The following ZNF536 variants were observed in gnomAD, a reference collection of about 807,000 sequenced individuals.
ZNF536 encodes the protein zinc finger protein 536.
ZNF536 carries 13 observed loss-of-function variants against 84.5 expected under a neutral mutation model. The ratio of observed to expected loss-of-function variants is 0.15; its 90% CI spans 0.10 to 0.24. The LOEUF (loss-of-function observed/expected upper bound fraction) is 0.24. Ranked by LOEUF, ZNF536 falls within the 10% of genes least tolerant of loss-of-function variation. ZNF536 has a pLI of 1.00. For synonymous variants in ZNF536, 811 were observed against 742.5 expected, an observed-to-expected ratio of 1.09 and a Z score of -1.50; for missense variants, 1,536 against 1,747.5, an observed-to-expected ratio of 0.88 and a Z score of 2.16.
At chr19:30,312,846 G>A (rs536992876) in intron 2 of ZNF536, among the ~76,000 whole-genome samples, 3 of 152,354 alleles carry the variant, frequency 2.0e-5, no homozygotes, top group South Asian at 2.1e-4. Context: ...TCCCACGAAC[G>A]CCTCTGTGAC....
chr19:30,584,365 T>G (rs1471985808), intron 1 of ZNF536, among the ~76,000 whole-genome samples: 2 of 152,158 alleles, frequency 1.3e-5, no homozygotes, highest in Admixed American at 1.3e-4. Context: ...GGATCAGTGG[T>G]AAGAAAGCTG....
chr19:30,563,703 C>T (rs1334629221), intron 1 of ZNF536, among the ~76,000 whole-genome samples: 3 of 152,272 alleles, frequency 2.0e-5, no homozygotes, highest in Non-Finnish European at 4.4e-5. Context: ...GGTTTTGCAA[C>T]AGGAGCTGTT....
chr19:30,616,105 T>G (rs4511648), intron 1 of ZNF536, among the ~76,000 whole-genome samples: 1 of 152,148 alleles, frequency 6.6e-6, no homozygotes, highest in African/African-American at 2.4e-5. Context: ...TATTCTGGTA[T>G]GGAGTCATAT....
At chr19:30,569,319 A>AG (rs1403465257) in intron 1 of ZNF536, among the ~76,000 whole-genome samples, 3 of 152,016 alleles carry the variant, frequency 2.0e-5, no homozygotes, top group African/African-American at 7.2e-5. Flanking sequence ...GCTACCCTGG[A>AG]GATGCATCCA....
intron 1 of ZNF536, among the ~76,000 whole-genome samples, chr19:30,614,942 ATTTTTTTTT>A (rs555419932): frequency 6.2e-5 from 2 of 32,316 alleles, no homozygotes; most frequent in Non-Finnish European, 5.8e-5. Context: ...CCCCTTTTCA[ATTTTTTTTT>A]TTTTTTTTTT....
chr19:30,250,917 A>G (rs1443976882), intron 1 of ZNF536, among the ~76,000 whole-genome samples: 11 of 151,932 alleles, frequency 7.2e-5, no homozygotes, highest in Admixed American at 7.2e-4. Flanking sequence ...CTTTTTTTAA[A>G]AAGTGGTATT....
chr19:30,253,991 A>G (rs1049125589), intron 1 of ZNF536, among the ~76,000 whole-genome samples: 1 of 152,174 alleles, frequency 6.6e-6, no homozygotes, highest in Non-Finnish European at 1.5e-5. Flanking sequence ...AATTAAAATC[A>G]GTTTTCTAAA....
chr19:30,252,446 G>T (rs988198219), intron 1 of ZNF536, among the ~76,000 whole-genome samples: 1 of 152,146 alleles, frequency 6.6e-6, no homozygotes, highest in Non-Finnish European at 1.5e-5. Flanking sequence ...GAAGGCCAGG[G>T]TGCATACCCT....
intron 1 of ZNF536, among the ~76,000 whole-genome samples, chr19:30,232,826 G>A (rs1226725531): frequency 6.6e-6 from 1 of 152,144 alleles, no homozygotes; most frequent in East Asian, 1.9e-4. Context: ...GGATGTTTGG[G>A]AGCGTCCCCA....
intron 2 of ZNF536, among the ~76,000 whole-genome samples, chr19:30,300,193 C>T (rs2145918912): frequency 6.6e-6 from 1 of 152,270 alleles, no homozygotes; most frequent in South Asian, 2.1e-4. Flanking sequence ...GGCATTTCCC[C>T]CCGTCCCACC....
intron 2 of ZNF536, among the ~76,000 whole-genome samples, chr19:30,333,799 T>G (rs1213069712): frequency 6.6e-6 from 1 of 152,216 alleles, no homozygotes; most frequent in Admixed American, 6.5e-5. Context: ...GTGCCTGTGT[T>G]GACACATCTA....
chr19:30,444,541 G>A lies in ZNF536; in HGVS notation c.979G>A (p.Glu327Lys), dbSNP rs2148188008. 1 of 1,613,316 alleles carries A rather than the reference G, an allele frequency of 6.2e-7. No individual in the cohort carries two copies. The highest frequency in any genetic ancestry group is 8.5e-7 in the Non-Finnish European group (1 of 1,179,922). ...SHVEKAHITA[E>K]SAQGQGPNGG... ...CGTGGAGAAGGCACACATCACGGCC[G>A]AGTCGGCCCAGGGCCAGGGCCCCAA... is the stretch of plus-strand genomic sequence containing the variant. The change falls in exon 2 of 5, where the codon GAG becomes AAG. Residue 327 changes from glutamate to lysine, a missense_variant. Physicochemically the swap from Glu to Lys is moderately conservative, Grantham distance 56 (BLOSUM62 1). Around this residue, in one of 8 missense-constraint regions of ZNF536, gnomAD observed 61 missense variants for 104.0 expected, o/e 0.59. Transcript: ENST00000355537.
chr19:30,284,693 A>G (rs1227044256), intron 2 of ZNF536, among the ~76,000 whole-genome samples: 1 of 152,204 alleles, frequency 6.6e-6, no homozygotes, highest in African/African-American at 2.4e-5. Flanking sequence ...TATGTATTTG[A>G]TATCTTTGGT....
chr19:30,468,834 G>A (rs1431167690), intron 2 of ZNF536, among the ~76,000 whole-genome samples: 1 of 152,140 alleles, frequency 6.6e-6, no homozygotes, highest in Non-Finnish European at 1.5e-5. Flanking sequence ...AAGAGGCATG[G>A]GGAGCTTTGG....
chr19:30,525,377 G>A (rs1568515557), intron 2 of ZNF536, among the ~76,000 whole-genome samples: 1 of 152,318 alleles, frequency 6.6e-6, no homozygotes, highest in South Asian at 2.1e-4. Flanking sequence ...TCATAGTCAG[G>A]AACTGGTCTT....
intron 1 of ZNF536, among the ~76,000 whole-genome samples, chr19:30,397,035 T>G (rs2049853458): frequency 6.6e-6 from 1 of 152,172 alleles, no homozygotes; most frequent in Non-Finnish European, 1.5e-5. Flanking sequence ...CCACATCCTA[T>G]AACTCTATGG....
intron 1 of ZNF536, among the ~76,000 whole-genome samples, chr19:30,232,158 G>C (rs984674535): frequency 6.6e-6 from 1 of 152,128 alleles, no homozygotes; most frequent in Non-Finnish European, 1.5e-5. Flanking sequence ...GGGCGTGGGG[G>C]CCTCCCCCGG....
At chr19:30,346,258 G>A (rs1475668663) in intron 2 of ZNF536, among the ~76,000 whole-genome samples, 2 of 152,106 alleles carry the variant, frequency 1.3e-5, no homozygotes, top group African/African-American at 2.4e-5. Flanking sequence ...AGATTTCCTC[G>A]GGAAAAGGAT....
intron 3 of ZNF536, among the ~76,000 whole-genome samples, chr19:30,359,984 C>G (rs1324022488): frequency 6.6e-6 from 1 of 152,202 alleles, no homozygotes; most frequent in African/African-American, 2.4e-5. Flanking sequence ...CCACCTATTG[C>G]TCACCTCTTC....
Sources: gnomAD v4.1 joint callset for allele counts (sites outside exome capture counted in the v4.1 genomes callset) on GRCh38, gnomAD v4.1.1 for gene constraint, gnomAD v4.1.1 regional missense constraint, MANE v1.5 for transcripts, NCBI Gene and HGNC (gene_info 2026-07-23, HGNC 2026-07-21) for gene names.